Variants in SNX14 observed in about 807,000 individuals in gnomAD.
The protein encoded by SNX14 is sorting nexin-14.
A neutral mutation model predicts 133.8 loss-of-function variants in SNX14; 93 were observed. The observed-to-expected ratio is 0.70, with a 90% confidence interval of 0.59 to 0.83. The LOEUF is 0.83. Ranked by LOEUF, SNX14 falls within the 40% of genes least tolerant of loss-of-function variation. The pLI is 0.00. For missense variants in SNX14, 945 were observed against 1,094.9 expected, an observed-to-expected ratio of 0.86 and a Z score of 1.93; for synonymous variants, 368 against 365.6, an observed-to-expected ratio of 1.01 and a Z score of -0.07.
chr6:85,531,438 G>A lies in SNX14; in HGVS notation c.1811-1163C>T, dbSNP rs934600438. Reference sequence around the variant, plus strand: ...AATCTACCATAGATTTGAGAATGCAGTAGATCGAGTGAACCAATACCACAA... The same window carrying A: ...AATCTACCATAGATTTGAGAATGCAATAGATCGAGTGAACCAATACCACAA... On this transcript the variant is annotated intron_variant, in intron 18 of 28. Coordinates refer to ENST00000314673, the MANE Select transcript of SNX14 (RefSeq NM_153816.6). 3.3e-5 allele frequency among the ~76,000 whole-genome samples: 5 copies of A among 152,290 alleles called. 1 individual carries two copies. The South Asian group carries it at 1.0e-3, about 32-fold the overall frequency.
intron 6 of SNX14, among the ~76,000 whole-genome samples, chr6:85,564,437 T>C (rs1046162616): frequency 1.3e-5 from 2 of 152,218 alleles, no homozygotes; most frequent in Non-Finnish European, 2.9e-5. Context: ...GCACCTGTTG[T>C]TGCCTGACTT....
chr6:85,587,045 C>CA (rs757286493), intron 1 of SNX14, among the ~76,000 whole-genome samples: 10 of 151,236 alleles, frequency 6.6e-5, no homozygotes, highest in East Asian at 5.9e-4. Context: ...GACTCCATCT[C>CA]AAAAAAAAGA....
At chr6:85,576,517 T>C (rs1797392709) in intron 1 of SNX14, among the ~76,000 whole-genome samples, 1 of 148,190 alleles carries the variant, frequency 6.7e-6, no homozygotes, top group Non-Finnish European at 1.5e-5. Flanking sequence ...TTGCACGAAC[T>C]GACAGAGTAA....
At position 85,533,607 on chromosome 6, in the gene SNX14, C is replaced by A. The variant is rs1039851330; in HGVS notation, c.1802G>T (p.Arg601Ile). The A allele has an allele frequency of 6.2e-7, 1 of 1,612,796 alleles. No individual in the cohort carries two copies. Among genetic ancestry groups the A allele is most frequent in the African/African-American group, 1.3e-5 (1 of 74,966 alleles). Reference sequence around the variant, plus strand: ...CTCAGAAAGCTTCCTACCTGCTCTTCTATCATTTCTTTCAACATCAATACA... The same window carrying A: ...CTCAGAAAGCTTCCTACCTGCTCTTATATCATTTCTTTCAACATCAATACA... ...VFCIDVERND[R>I]RAVGHEPEHW... Residue 601 changes from arginine to isoleucine, a missense_variant, in exon 18 of 29, where the codon AGA (arginine) becomes ATA (isoleucine). By Grantham distance (97) the Arg-to-Ile change is moderately conservative. Coordinates refer to ENST00000314673, the MANE Select transcript of SNX14 (RefSeq NM_153816.6).
intron 4 of SNX14, among the ~76,000 whole-genome samples, chr6:85,570,180 A>G (rs1795103591): frequency 6.6e-6 from 1 of 152,194 alleles, no homozygotes; most frequent in South Asian, 2.1e-4. Context: ...GAAAGGGACC[A>G]TATCTTCACT....
chr6:85,508,238 T>C (rs1023503804), intron 26 of SNX14, 179 bp from the exon 27 acceptor site: 100 of 1,284,524 alleles, frequency 7.8e-5, no homozygotes, highest in Non-Finnish European at 9.3e-5. Flanking sequence ...TATGGTCAAG[T>C]TGACAAATGC....
intron 7 of SNX14, among the ~76,000 whole-genome samples, chr6:85,551,167 C>A (rs1787697001): frequency 6.6e-6 from 1 of 152,162 alleles, no homozygotes; most frequent in Admixed American, 6.5e-5. Context: ...AGCCCTCAGA[C>A]AAAATGGACT....
chr6:85,526,983 C>T (rs1041592744), intron 20 of SNX14, among the ~76,000 whole-genome samples: 19 of 152,040 alleles, frequency 1.2e-4, no homozygotes, highest in African/African-American at 3.9e-4. Context: ...GCTGGAGAAT[C>T]GGTTGAACTC....
intron 12 of SNX14, among the ~76,000 whole-genome samples, chr6:85,546,087 TA>T (rs536624254): frequency 6.6e-6 from 1 of 152,042 alleles, no homozygotes; most frequent in Non-Finnish European, 1.5e-5. Context: ...TCAATTTATA[TA>T]AAAAAAATTA....
At chr6:85,508,537 A>G (rs1771584947) in intron 26 of SNX14, 1 of 273,444 alleles carries the variant, frequency 3.7e-6, no homozygotes, top group South Asian at 1.4e-4. Context: ...TTTATTCTAT[A>G]TATTTTCATA....
rs1040398903 is a variant in SNX14, at chr6:85,505,881, T to C, written c.*86A>G. On this transcript the variant is annotated 3_prime_UTR_variant, in exon 29 of 29. Transcript: ENST00000314673. ...TTCAGACAGCGATGTACATAATATA[T>C]ATAAGAATATACCCAAAAAAGTAAA... The C allele has an allele frequency of 2.5e-5, 21 of 849,524 alleles. No homozygotes were observed. Among genetic ancestry groups the C allele is most frequent in the Middle Eastern group, 2.2e-4 (1 of 4,492 alleles). 52.6% of individuals were successfully genotyped at this position (849,524 alleles called of 1,614,324 possible).
chr6:85,571,595 G>A (rs1371390217), intron 4 of SNX14, among the ~76,000 whole-genome samples: 2 of 152,154 alleles, frequency 1.3e-5, no homozygotes, highest in Non-Finnish European at 2.9e-5. Context: ...TCAAGGACTT[G>A]AGTGTTTTGT....
At chr6:85,570,140 G>A (rs1795089078) in intron 4 of SNX14, among the ~76,000 whole-genome samples, 1 of 152,062 alleles carries the variant, frequency 6.6e-6, no homozygotes, top group Middle Eastern at 3.2e-3. Context: ...TTATATGCCT[G>A]CCTCTACTTC....
In SNX14 at chr6:85,514,215, A is replaced by C. The variant is rs373140675; in HGVS notation, c.2412T>G (p.Val804=). The C allele has an allele frequency of 1.1e-4, 181 of 1,612,122 alleles. No individual in the cohort carries two copies. Among genetic ancestry groups the C allele is most frequent in the South Asian group, 6.6e-5 (6 of 90,482 alleles). ...LMYVGRVVFQ[V]PDWLHHLLMG... ...TTAAGAGATGATGAAGCCAGTCAGG[A>C]ACCTGGAAAACTACCCGTCCTGAGA... Residue 804 remains valine, a synonymous_variant, in exon 25 of 29, where the codon GTT becomes GTG. Coordinates refer to ENST00000314673, the MANE Select transcript of SNX14 (RefSeq NM_153816.6).
chr6:85,553,938 G>C (rs1257623964), intron 7 of SNX14, among the ~76,000 whole-genome samples: 2 of 152,156 alleles, frequency 1.3e-5, no homozygotes, highest in African/African-American at 4.8e-5. Flanking sequence ...CTCAGCACCT[G>C]TCAGACATAA....
chr6:85,576,570 T>A (rs538809958), intron 1 of SNX14, among the ~76,000 whole-genome samples: 1 of 152,166 alleles, frequency 6.6e-6, no homozygotes, highest in African/African-American at 2.4e-5. Flanking sequence ...CATCTCATGA[T>A]AGTAGAAATG....
chr6:85,532,019 C>T (rs1032730333), intron 18 of SNX14, among the ~76,000 whole-genome samples: 10 of 144,028 alleles, frequency 6.9e-5, no homozygotes, highest in Non-Finnish European at 1.4e-4. Context: ...CAAAGCAAGA[C>T]CCTCTCTCAA....
At position 85,514,514 on chromosome 6, in the gene SNX14, A is replaced by C; in HGVS notation, c.2384T>G (p.Met795Arg). The change falls in exon 24 of 29, where the codon ATG becomes AGG. Residue 795 changes from methionine (M) to arginine (R), a missense_variant. By Grantham distance (91) the Met-to-Arg change is moderately conservative. This residue lies in a region of SNX14 where 412 missense variants were observed against 516.6 expected (regional missense o/e 0.80). Coordinates refer to ENST00000314673, the MANE Select transcript of SNX14 (RefSeq NM_153816.6). The part of the protein sequence containing the change: ...MTVEGVYDYL[M>R]YVGRVVFQVP... ...AACCACTTAGATCTTACCTACATAC[A>C]TCAGGTAATCATAGACTCCTTCTAC... 6.2e-7 allele frequency: 1 copy of C among 1,613,134 alleles called. No individual in the cohort carries two copies. The highest frequency in any genetic ancestry group is 8.5e-7 in the Non-Finnish European group (1 of 1,179,596).
intron 1 of SNX14, among the ~76,000 whole-genome samples, chr6:85,588,709 A>G (rs1801827474): frequency 6.6e-6 from 1 of 152,204 alleles, no homozygotes; most frequent in Non-Finnish European, 1.5e-5. Context: ...TTAACTCCTA[A>G]TAGTTTACTG....
Sources: allele counts gnomAD v4.1 joint callset (sites outside exome capture counted in the v4.1 genomes callset), GRCh38; gene constraint gnomAD v4.1.1; regional missense constraint gnomAD v4.1.1; transcripts MANE v1.5; gene names NCBI Gene and HGNC (gene_info 2026-07-23, HGNC 2026-07-21).